The following TAAR5 variants were observed in gnomAD, a reference collection of about 807,000 sequenced individuals.
TAAR5 encodes trace amine-associated receptor 5.
In TAAR5, 27 loss-of-function variants were observed where a neutral mutation model predicts 21.1. The observed-to-expected ratio is 1.28, with a 90% CI of 0.94 to 1.76. TAAR5 has a LOEUF of 1.76. Among genes scored for constraint, TAAR5 ranks in the 40% most tolerant of loss-of-function variants. TAAR5 has a pLI of 0.00. For missense variants in TAAR5, 495 were observed against 405.6 expected (o/e 1.22, Z -1.89); for synonymous variants, 203 against 167.5 (o/e 1.21, Z -1.64).
At chr6:132,594,878 A>G in the TAAR5 span, 2 of 152,228 alleles carry the variant, frequency 1.3e-5, no homozygotes, top group Non-Finnish European at 2.9e-5. Flanking sequence ...AAACCTGTGC[A>G]ATCAATGGCT....
the TAAR5 span, among the ~76,000 whole-genome samples, chr6:132,596,661 T>G: frequency 2.8e-4 from 43 of 151,972 alleles, no homozygotes; most frequent in African/African-American, 9.2e-4. Context: ...TTTTTTAGGG[T>G]TTTTTTTAAA....
At chr6:132,604,508 T>TA in the TAAR5 span, among the ~76,000 whole-genome samples, 36 of 150,166 alleles carry the variant, frequency 2.4e-4, no homozygotes, top group South Asian at 1.1e-3. Flanking sequence ...TCTTAAAAAT[T>TA]AAAAAAAAAA....
At chr6:132,602,517 C>T in the TAAR5 span, among the ~76,000 whole-genome samples, 4 of 152,022 alleles carry the variant, frequency 2.6e-5, no homozygotes, top group Non-Finnish European at 5.9e-5. Flanking sequence ...GAGCTCAGGC[C>T]GTAATGCGAG....
chr6:132,614,748 C>T, the TAAR5 span, among the ~76,000 whole-genome samples: 1 of 152,170 alleles, frequency 6.6e-6, no homozygotes, highest in Non-Finnish European at 1.5e-5. Context: ...GATCCAGGAG[C>T]TTCCAGATAG....
At chr6:132,609,240 A>T in the TAAR5 span, 1 of 347,954 alleles carries the variant, frequency 2.9e-6, no homozygotes, top group Non-Finnish European at 5.6e-6. Flanking sequence ...AATTTTGGAC[A>T]ACTGGATAGG....
chr6:132,615,149 T>C, the TAAR5 span, among the ~76,000 whole-genome samples: 1 of 149,376 alleles, frequency 6.7e-6, no homozygotes, highest in Non-Finnish European at 1.5e-5. Flanking sequence ...GGCATCTCTG[T>C]GTGTTTTTAA....
At chr6:132,616,713 T>C in the TAAR5 span, among the ~76,000 whole-genome samples, 1 of 152,228 alleles carries the variant, frequency 6.6e-6, no homozygotes. Flanking sequence ...TCATTTTTAG[T>C]TGCTGATGCT....
At chr6:132,606,176 G>T in the TAAR5 span, among the ~76,000 whole-genome samples, 24 of 152,058 alleles carry the variant, frequency 1.6e-4, no homozygotes, top group Non-Finnish European at 3.1e-4. Flanking sequence ...CTTGATGACG[G>T]ATTCATCCAT....
upstream of TAAR5, chr6:132,589,742 CAAAAAAAAAAAAAAAAAAA>C (rs567338856): frequency 2.1e-3 from 127 of 60,776 alleles, no homozygotes; most frequent in Middle Eastern, 0.026. Flanking sequence ...CACTGGAGGG[CAAAAAAAAAAAAAAAAAAA>C]AAAAAAAAAA....
At chr6:132,601,035 G>A in the TAAR5 span, among the ~76,000 whole-genome samples, 262 of 66,822 alleles carry the variant, frequency 3.9e-3, no homozygotes, top group Admixed American at 6.5e-3. Flanking sequence ...GAGGGAAGGA[G>A]GGAAAGAAGG....
the TAAR5 span, among the ~76,000 whole-genome samples, chr6:132,615,383 T>G: frequency 6.6e-6 from 1 of 152,184 alleles, no homozygotes; most frequent in Non-Finnish European, 1.5e-5. Flanking sequence ...AGTATTGGGA[T>G]GTGAGAGAAT....
upstream of TAAR5, among the ~76,000 whole-genome samples, chr6:132,592,596 C>T (rs1182621742): frequency 6.6e-6 from 1 of 152,016 alleles, no homozygotes; most frequent in Admixed American, 6.6e-5. Context: ...GTAGATTTCC[C>T]CTTTGGTGCT....
At chr6:132,593,510 G>A (rs1776935191), upstream of TAAR5, among the ~76,000 whole-genome samples, 1 of 152,160 alleles carries the variant, frequency 6.6e-6, no homozygotes, top group Non-Finnish European at 1.5e-5. Context: ...TGAGTCCTGG[G>A]AAGAGGAGAT....
upstream of TAAR5, among the ~76,000 whole-genome samples, chr6:132,593,640 T>C (rs1396343986): frequency 1.3e-5 from 2 of 152,144 alleles, no homozygotes; most frequent in African/African-American, 4.8e-5. Flanking sequence ...AAGTTCAGTC[T>C]GGGAGGATAA....
chr6:132,589,328 G>A lies in TAAR5; in HGVS notation c.359C>T (p.Thr120Ile), dbSNP rs770530202. Residue 120 changes from threonine to isoleucine, a missense_variant, in exon 1 of 1, where the codon ACC becomes ATC. Transcript: ENST00000258034. The part of the protein sequence containing the change: ...HTYLDTLFCL[T>I]SIFHLCFISI... ...AATGAAACAGAGATGGAAGATGGAG[G>A]TGAGGCAGAAGAGGGTGTCCAGGTA... The A allele has an allele frequency of 1.1e-5, 17 of 1,613,838 alleles. No individual in the cohort carries two copies. Among genetic ancestry groups the A allele is most frequent in the Middle Eastern group, 1.6e-4 (1 of 6,084 alleles).
chr6:132,602,779 C>CAAAAAAAAAA, the TAAR5 span, among the ~76,000 whole-genome samples: 257 of 95,868 alleles, frequency 2.7e-3, no homozygotes, highest in African/African-American at 7.8e-3. Flanking sequence ...CTTTAGAAGT[C>CAAAAAAAAAA]AAAAAAAAAA....
chr6:132,608,496 T>C, the TAAR5 span: 1 of 454,930 alleles, frequency 2.2e-6, no homozygotes, highest in Admixed American at 2.4e-5. Flanking sequence ...ACACCCCCAT[T>C]ACTATACCCA....
the TAAR5 span, among the ~76,000 whole-genome samples, chr6:132,611,323 G>T: frequency 6.6e-6 from 1 of 151,462 alleles, no homozygotes; most frequent in African/African-American, 2.4e-5. Flanking sequence ...TGGTTAATAG[G>T]TACAAAAATA....
chr6:132,614,044 A>C, the TAAR5 span, among the ~76,000 whole-genome samples: 1 of 152,242 alleles, frequency 6.6e-6, no homozygotes, highest in Non-Finnish European at 1.5e-5. Context: ...AAAGGAAGAT[A>C]TGAGCTATTA....
Sources: allele counts gnomAD v4.1 joint callset (sites outside exome capture counted in the v4.1 genomes callset), GRCh38; gene constraint gnomAD v4.1.1; transcripts MANE v1.5; gene names NCBI Gene and HGNC (gene_info 2026-07-23, HGNC 2026-07-21).